Variants in TMEM62 observed in about 807,000 individuals in gnomAD.
TMEM62 encodes the protein transmembrane protein 62.
TMEM62 carries 41 observed loss-of-function variants against 70.4 expected under a neutral mutation model. The ratio of observed to expected loss-of-function variants is 0.58; its 90% confidence interval spans 0.45 to 0.76. The LOEUF (loss-of-function observed/expected upper bound fraction) is 0.76. Among genes scored for constraint, TMEM62 ranks in the 30% least tolerant of loss-of-function variants. The pLI, the probability that TMEM62 is intolerant of heterozygous loss-of-function variation, is 0.00. For synonymous variants in TMEM62, 268 were observed against 291.0 expected, an observed-to-expected ratio of 0.92 and a Z score of 0.80; for missense variants, 688 against 788.5, an observed-to-expected ratio of 0.87 and a Z score of 1.53.
chr15:43,136,201 T>G (rs2035202947), intron 3 of TMEM62, among the ~76,000 whole-genome samples: 1 of 152,054 alleles, frequency 6.6e-6, no homozygotes, highest in Admixed American at 6.5e-5. Flanking sequence ...GGCAAAACAA[T>G]AGACAGAGAA....
Position 43,184,877 on chromosome 15 carries a change from G to A in TMEM62, c.*291G>A. Reference sequence around the variant, plus strand: ...TTATCTAGGACATCCACAGGGTAGAGGTTGGGTGTGTGTACGGGAGTGTCT... The same window carrying A: ...TTATCTAGGACATCCACAGGGTAGAAGTTGGGTGTGTGTACGGGAGTGTCT... On this transcript the variant is annotated 3_prime_UTR_variant, in exon 14 of 14. Coordinates refer to ENST00000260403, the MANE Select transcript of TMEM62 (RefSeq NM_024956.4). 2.2e-6 allele frequency: 1 copy of A among 456,776 alleles called. No individual in the cohort carries two copies. The highest frequency in any genetic ancestry group is 2.9e-5 in the South Asian group (1 of 34,798). The allele number at this position is 456,776 out of a possible 1,614,324, so 28.3% of individuals were successfully genotyped here.
chr15:43,134,020 G>C (rs1385010214), intron 1 of TMEM62, 38 bp downstream of exon 1: 1 of 1,438,844 alleles, frequency 7.0e-7, no homozygotes, highest in South Asian at 1.5e-5. Flanking sequence ...GGCAGGTGCA[G>C]ATCGGGCACC....
intron 7 of TMEM62, 68 bp downstream of exon 7, chr15:43,149,219 T>C (rs2037063840): frequency 1.3e-6 from 2 of 1,530,940 alleles, no homozygotes; most frequent in Admixed American, 3.7e-5. Flanking sequence ...ATAGTTTTCT[T>C]ACTGATATCA....
At position 43,133,927 on chromosome 15, in the gene TMEM62, G is replaced by A. The variant is rs1035759805; in HGVS notation, c.125G>A (p.Arg42Lys). ...PSPLPRPAPP[R>K]RPHPAPGPGD... ...CCGCTGCCGCGCCCCGCGCCCCCCAGGAGGCCGCACCCTGCGCCAGGGCCC... is the reference window on the plus strand; with the variant it reads ...CCGCTGCCGCGCCCCGCGCCCCCCAAGAGGCCGCACCCTGCGCCAGGGCCC... Residue 42 changes from arginine (R) to lysine (K), a missense_variant, in exon 1 of 14, where the codon AGG becomes AAG. Physicochemically the swap from Arg to Lys is conservative, Grantham distance 26. Transcript: ENST00000260403. 6.7e-7 allele frequency: 1 copy of A among 1,490,490 alleles called. No homozygotes were observed. Among genetic ancestry groups the A allele is most frequent in the Non-Finnish European group, 8.9e-7 (1 of 1,127,846 alleles). 92.3% of individuals were successfully genotyped at this position (1,490,490 alleles called of 1,614,324 possible). A position where few individuals can be genotyped will look rare whatever the true frequency, so the allele number is the denominator to read the frequency against.
intron 11 of TMEM62, among the ~76,000 whole-genome samples, chr15:43,177,512 A>T (rs1037936802): frequency 2.6e-5 from 4 of 152,138 alleles, no homozygotes; most frequent in African/African-American, 9.7e-5. Context: ...TATATACCCA[A>T]AAGACTATAA....
At chr15:43,159,246 C>A (rs2038395987) in intron 9 of TMEM62, among the ~76,000 whole-genome samples, 1 of 152,134 alleles carries the variant, frequency 6.6e-6, no homozygotes, top group Non-Finnish European at 1.5e-5. Flanking sequence ...TACAAACAGT[C>A]CAATTACACT....
chr15:43,154,543 C>A (rs2037805545), intron 8 of TMEM62, 129 bp from the exon 9 acceptor site: 2 of 688,254 alleles, frequency 2.9e-6, no homozygotes, highest in South Asian at 3.8e-5. Context: ...TCAATAGTGG[C>A]TCCTGCTGTT....
chr15:43,178,786 C>G (rs1483955913), intron 12 of TMEM62, 75 bp downstream of exon 12: 5 of 828,278 alleles, frequency 6.0e-6, no homozygotes, highest in Non-Finnish European at 1.9e-6. Context: ...GAATTAGACT[C>G]TTGAGGGTAT....
At chr15:43,176,000 G>A (rs1022552091) in intron 11 of TMEM62, among the ~76,000 whole-genome samples, 1 of 152,214 alleles carries the variant, frequency 6.6e-6, no homozygotes, top group African/African-American at 2.4e-5. Flanking sequence ...CTTTTCTGAT[G>A]GGCTTAAAAA....
At chr15:43,182,291 C>T (rs112179811) in intron 13 of TMEM62, among the ~76,000 whole-genome samples, 2,083 of 152,206 alleles carry the variant, frequency 0.014, 38 homozygotes, top group African/African-American at 0.048. Flanking sequence ...TCATGGCCTT[C>T]TAACAGGGCA....
At position 43,138,627 on chromosome 15, in the gene TMEM62, A is replaced by AAT. The variant is rs1467328973; in HGVS notation, c.476+10_476+11dup. On this transcript the variant is annotated intron_variant, in intron 4 of 13. Transcript: ENST00000260403. Reference sequence around the variant, plus strand: ...CATCAAGAATTATTACAGGTACTGTAATAAACAGAAGACAGACCACTATGT... The same window carrying AAT: ...CATCAAGAATTATTACAGGTACTGTAATATAAACAGAAGACAGACCACTATGT... 1 of 1,595,874 alleles carries AAT rather than the reference A, an allele frequency of 6.3e-7. No individual in the cohort carries two copies. The highest frequency in any genetic ancestry group is 1.4e-5 in the African/African-American group (1 of 74,068).
chr15:43,174,909 G>A (rs2040573016), intron 11 of TMEM62, among the ~76,000 whole-genome samples: 1 of 152,182 alleles, frequency 6.6e-6, no homozygotes, highest in Non-Finnish European at 1.5e-5. Context: ...TGATTCCAAT[G>A]TGCAGTCAAG....
rs531012928 is a variant in TMEM62, at chr15:43,184,155, G to A, written c.1606-105G>A. 11 of 1,043,542 alleles carry A rather than the reference G, an allele frequency of 1.1e-5. No individual in the cohort carries two copies. The Admixed American group carries it at 1.7e-4, about 16-fold the overall frequency. 64.6% of individuals were successfully genotyped at this position (1,043,542 alleles called of 1,614,324 possible). ...CTGTGCTTGAAGTAAATTAGCTAAC[G>A]CCAAGACAGATAGCAGCATAGTCTT... On this transcript the variant is annotated intron_variant, in intron 13 of 13. Transcript: ENST00000260403.
chr15:43,143,887 T>C (rs555028552), intron 4 of TMEM62, among the ~76,000 whole-genome samples: 1 of 152,336 alleles, frequency 6.6e-6, no homozygotes, highest in East Asian at 1.9e-4. Flanking sequence ...AAATATTTAT[T>C]GAGAATCCAT....
intron 4 of TMEM62, among the ~76,000 whole-genome samples, chr15:43,139,003 G>A (rs941424497): frequency 2.6e-5 from 4 of 151,376 alleles, no homozygotes; most frequent in Non-Finnish European, 4.4e-5. Flanking sequence ...ATTATGCTTC[G>A]CCTTATTGCA....
chr15:43,182,448 CT>C (rs1490266481), intron 13 of TMEM62, among the ~76,000 whole-genome samples: 3 of 149,268 alleles, frequency 2.0e-5, no homozygotes, highest in Admixed American at 2.0e-4. Context: ...CTTTTCTTTT[CT>C]TTTCTTTTTT....
At chr15:43,184,107 G>A in intron 13 of TMEM62, 153 bp from the exon 14 acceptor site, 1 of 650,594 alleles carries the variant, frequency 1.5e-6, no homozygotes, top group Non-Finnish European at 2.7e-6. Context: ...CTAGCCACAA[G>A]TCAGCTGTTG....
intron 2 of TMEM62, among the ~76,000 whole-genome samples, chr15:43,134,990 C>T (rs1233466092): frequency 8.5e-5 from 13 of 152,178 alleles, no homozygotes; most frequent in Admixed American, 7.2e-4. Context: ...GAAAGGGTAT[C>T]AGTTCTGATT....
chr15:43,174,328 A>G (rs993108394), intron 11 of TMEM62, among the ~76,000 whole-genome samples: 7 of 152,188 alleles, frequency 4.6e-5, no homozygotes, highest in African/African-American at 1.7e-4. Context: ...AGAGAAGGGG[A>G]GTATTGTAGT....
Sources: gnomAD v4.1 joint callset for allele counts (sites outside exome capture counted in the v4.1 genomes callset) on GRCh38, gnomAD v4.1.1 for gene constraint, MANE v1.5 for transcripts, NCBI Gene and HGNC (gene_info 2026-07-23, HGNC 2026-07-21) for gene names.